AIRE: variants seen among roughly 807,000 people sequenced by gnomAD.
AIRE encodes the protein autoimmune polyendocrinopathy candidiasis ectodermal dystrophy protein.
AIRE carries 52 observed loss-of-function variants against 62.1 expected under a neutral mutation model. The ratio of observed to expected loss-of-function variants is 0.84; its 90% CI spans 0.67 to 1.06. The LOEUF is 1.06. Ranked by LOEUF, AIRE falls within the 50% of genes least tolerant of loss-of-function variation. The pLI, the probability that AIRE is intolerant of heterozygous loss-of-function variation, is 0.00. For synonymous variants in AIRE, 342 were observed against 321.6 expected (o/e 1.06, Z -0.68); for missense variants, 774 against 755.8 (o/e 1.02, Z -0.28).
intron 11 of AIRE, 63 bp from the exon 12 acceptor site, chr21:44,294,338 A>G (rs866619285): frequency 1.7e-5 from 14 of 808,974 alleles, no homozygotes; most frequent in Middle Eastern, 4.0e-4. Context: ...CCCACACCCC[A>G]TACCCCGGAG....
chr21:44,293,105 C>T lies in AIRE; in HGVS notation c.1208C>T (p.Ala403Val). 6.2e-7 allele frequency: 1 copy of T among 1,607,706 alleles called. No homozygotes were observed. The highest frequency in any genetic ancestry group is 8.5e-7 in the Non-Finnish European group (1 of 1,177,912). Residue 403 changes from alanine (A) to valine (V), a missense_variant, in exon 10 of 14, where the codon GCA (alanine) becomes GTA (valine). Transcript: ENST00000291582. ...VYKHLPAPPS[A>V]APLPGLDSSA... is the part of the protein sequence containing the mutation. ...AAGCACCTGCCGGCTCCGCCTTCTG[C>T]AGCCCCGCTGCCAGGGCTGGACTCC...
At position 44,298,015 on chromosome 21, in the gene AIRE, C is replaced by G; in HGVS notation, c.*288C>G. 1 of 428,354 alleles carries G rather than the reference C, an allele frequency of 2.3e-6. No individual in the cohort carries two copies. Among genetic ancestry groups the G allele is most frequent in the South Asian group, 2.1e-5 (1 of 46,744 alleles). The allele number at this position is 428,354 out of a possible 1,614,324, so 26.5% of individuals were successfully genotyped here. ...GGTGTGGTGGTGGGTGCCTGTAATC[C>G]CAGCTACATGGGAGCCTGAGGCATG... On this transcript the variant is annotated 3_prime_UTR_variant, in exon 14 of 14. Transcript: ENST00000291582.
In AIRE at chr21:44,298,127, C is replaced by G. The variant is rs949584587; in HGVS notation, c.*400C>G. On this transcript the variant is annotated 3_prime_UTR_variant, in exon 14 of 14. Transcript: ENST00000291582. ...AGTCTGGTCGGCAAGAGTGAGACTC[C>G]GTCTCAAAAACAAAACAAAACAAAA... The G allele has an allele frequency of 4.1e-6, 1 of 246,884 alleles. No homozygotes were observed. Among genetic ancestry groups the G allele is most frequent in the African/African-American group, 2.2e-5 (1 of 44,622 alleles). The allele number at this position is 246,884 out of a possible 1,614,324, so 15.3% of individuals were successfully genotyped here. A position where few individuals can be genotyped will look rare whatever the true frequency, so the allele number is the denominator to read the frequency against.
Position 44,293,905 on chromosome 21 carries a change from G to A in AIRE, c.1395G>A (p.Arg465=). The part of the protein sequence containing the change: ...WRCHFPAGTS[R]PGTGLRCRSC... Reference sequence around the variant, plus strand: ...GCCACTTCCCAGCCGGCACCTCCCGGCCCGGGTGAGTGAGCGTGGTCGGCG... The same window carrying A: ...GCCACTTCCCAGCCGGCACCTCCCGACCCGGGTGAGTGAGCGTGGTCGGCG... Residue 465 remains arginine (R), a synonymous_variant, in exon 11 of 14, where the codon CGG becomes CGA. Transcript: ENST00000291582. The A allele has an allele frequency of 2.5e-6, 4 of 1,596,556 alleles. No individual in the cohort carries two copies. In the South Asian group the frequency reaches 3.3e-5, roughly 13 times the overall value.
intron 11 of AIRE, 136 bp downstream of exon 11, chr21:44,294,046 C>T: frequency 2.5e-6 from 3 of 1,200,092 alleles, no homozygotes; most frequent in Non-Finnish European, 3.5e-6. Context: ...ACCTTGCACC[C>T]CACCCCACAC....
Position 44,289,644 on chromosome 21 carries a change from C to T in AIRE, c.653-13C>T. ...GGGCGGGTGAGCCAGGACCAGCCGG[C>T]ATCTCCTCCCAGGCGGCTCCAAGAA... On this transcript the variant is annotated splice_polypyrimidine_tract_variant and intron_variant, in intron 5 of 13. Coordinates refer to ENST00000291582, the MANE Select transcript of AIRE (RefSeq NM_000383.4). 1 of 1,612,710 alleles carries T rather than the reference C, an allele frequency of 6.2e-7. No homozygotes were observed.
intron 11 of AIRE, 89 bp from the exon 12 acceptor site, chr21:44,294,312 C>A: frequency 6.2e-6 from 4 of 647,366 alleles, no homozygotes; most frequent in Non-Finnish European, 1.0e-5. Flanking sequence ...CCCCCACTCA[C>A]CACCCACGCC....
In AIRE at chr21:44,294,503, G is replaced by A. The variant is rs959421526; in HGVS notation, c.1503G>A (p.Lys501=). 2.7e-6 allele frequency: 4 copies of A among 1,478,208 alleles called. No homozygotes were observed. The highest frequency in any genetic ancestry group is 3.6e-6 in the Non-Finnish European group (4 of 1,109,470). 91.6% of individuals were successfully genotyped at this position (1,478,208 alleles called of 1,614,324 possible). A position where few individuals can be genotyped will look rare whatever the true frequency, so the allele number is the denominator to read the frequency against. ...SPARLAPGPA[K]DDTASHEPAL... is the part of the protein sequence containing the mutation. Reference sequence around the variant, plus strand: ...CCCGCCTGGCCCCTGGGCCTGCCAAGGTCAGTGCCGCAGGGGCCCTCCATG... The same window carrying A: ...CCCGCCTGGCCCCTGGGCCTGCCAAAGTCAGTGCCGCAGGGGCCCTCCATG... The change falls in exon 12 of 14, where the codon AAG becomes AAA. Residue 501 remains lysine, a splice_region_variant and synonymous_variant. Coordinates refer to ENST00000291582, the MANE Select transcript of AIRE (RefSeq NM_000383.4).
At position 44,297,995 on chromosome 21, in the gene AIRE, G is replaced by A. The variant is rs565737422; in HGVS notation, c.*268G>A. ...AAAAATATAAAAATTAGCTGGGTGT[G>A]GTGGTGGGTGCCTGTAATCCCAGCT... On this transcript the variant is annotated 3_prime_UTR_variant, in exon 14 of 14. Coordinates refer to ENST00000291582, the MANE Select transcript of AIRE (RefSeq NM_000383.4). This position sits in a 1 kb window ranked among gnomAD's most constrained non-coding sequence, Gnocchi z 4.8. The A allele has an allele frequency of 5.6e-4, 254 of 454,208 alleles. 3 individuals carry two copies. Among genetic ancestry groups the A allele is most frequent in the South Asian group, 5.1e-3 (244 of 48,230 alleles). 28.1% of individuals were successfully genotyped at this position (454,208 alleles called of 1,614,324 possible).
chr21:44,287,437 C>G lies in AIRE; in HGVS notation c.464-80C>G. 2.9e-6 allele frequency: 3 copies of G among 1,030,594 alleles called. No individual in the cohort carries two copies. Among genetic ancestry groups the G allele is most frequent in the Non-Finnish European group, 4.4e-6 (3 of 676,766 alleles). 63.8% of individuals were successfully genotyped at this position (1,030,594 alleles called of 1,614,324 possible). A position where few individuals can be genotyped will look rare whatever the true frequency, so the allele number is the denominator to read the frequency against. ...AGCACTGGACCGCCCCCTCCACGCC[C>G]TCCCACCGCGGGCCCCTGCCCACCG... On this transcript the variant is annotated intron_variant, in intron 3 of 13. Transcript: ENST00000291582. This position sits in a 1 kb window ranked among gnomAD's most constrained non-coding sequence, Gnocchi z 4.3.
chr21:44,289,200 G>A, intron 5 of AIRE: 1 of 190,542 alleles, frequency 5.2e-6, no homozygotes, highest in East Asian at 1.3e-4. Flanking sequence ...GGAGGCTCCA[G>A]GGAAGAATCC....
chr21:44,292,780 C>CG (rs2040556186), intron 9 of AIRE, among the ~76,000 whole-genome samples: 2 of 152,038 alleles, frequency 1.3e-5, no homozygotes, highest in South Asian at 4.1e-4. Flanking sequence ...CGTGTGTAGA[C>CG]GGGGGAGGAG....
At position 44,286,019 on chromosome 21, in the gene AIRE, G is replaced by A. The variant is rs774168916; in HGVS notation, c.13G>A (p.Ala5Thr). 5.9e-6 allele frequency: 9 copies of A among 1,532,418 alleles called. No individual in the cohort carries two copies. Among genetic ancestry groups the A allele is most frequent in the African/African-American group, 1.4e-5 (1 of 72,632 alleles). 94.9% of individuals were successfully genotyped at this position (1,532,418 alleles called of 1,614,324 possible). MATD[A>T]ALRRLLRLHR... ...CCGCGCCCACCCCATGGCGACGGAC[G>A]CGGCGCTACGCCGGCTTCTGAGGCT... Residue 5 changes from alanine to threonine, a missense_variant, in exon 1 of 14, where the codon GCG becomes ACG. Physicochemically the swap from Ala to Thr is moderately conservative, Grantham distance 58. This residue lies in a region of AIRE where 385 missense variants were observed against 396.0 expected (regional missense o/e 0.97). Transcript: ENST00000291582. The surrounding 1 kb of genome is among the most constrained non-coding windows in gnomAD (Gnocchi z 6.0).
At chr21:44,291,691 C>T (rs1397895086) in intron 8 of AIRE, among the ~76,000 whole-genome samples, 6 of 152,010 alleles carry the variant, frequency 3.9e-5, no homozygotes, top group African/African-American at 1.2e-4. Context: ...CATCCCGGTG[C>T]TCCTTCCCCA....
At position 44,292,351 on chromosome 21, in the gene AIRE, CAGCCCCGGGCAGAGG is replaced by C. The variant is rs1481102287; in HGVS notation, c.1054_1068del (p.Ala352_Arg356del). On this transcript the variant is annotated inframe_deletion, in exon 9 of 14. Transcript: ENST00000291582. ...CCTGCAGGCAACAGTCCAGGAGGTG[CAGCCCCGGGCAGAGG>C]AGCCCCGGCCCCAGGAGCCACCCGT... 1 of 1,573,328 alleles carries C rather than the reference CAGCCCCGGGCAGAGG, an allele frequency of 6.4e-7. No homozygotes were observed. The highest frequency in any genetic ancestry group is 8.6e-7 in the Non-Finnish European group (1 of 1,159,570).
In AIRE at chr21:44,286,532, G is replaced by C; in HGVS notation, c.133-25G>C. The C allele has an allele frequency of 6.3e-7, 1 of 1,599,910 alleles. No homozygotes were observed. The highest frequency in any genetic ancestry group is 1.1e-5 in the South Asian group (1 of 90,316). On this transcript the variant is annotated intron_variant, in intron 1 of 13. Transcript: ENST00000291582. This position sits in a 1 kb window ranked among gnomAD's most constrained non-coding sequence, Gnocchi z 6.0. ...CGCAGGGTGTGGGGGACCATGGCAG[G>C]GACCCTCATGCCACCCCACTGCAGG...
In AIRE at chr21:44,285,981, C is replaced by T; in HGVS notation, c.-26C>T. On this transcript the variant is annotated 5_prime_UTR_variant, in exon 1 of 14. Coordinates refer to ENST00000291582, the MANE Select transcript of AIRE (RefSeq NM_000383.4). Reference sequence around the variant, plus strand: ...GTCCCGGGACCCACCGCGTCCGCCCCAGCCCCGGGTCCCCGCGCCCACCCC... The same window carrying T: ...GTCCCGGGACCCACCGCGTCCGCCCTAGCCCCGGGTCCCCGCGCCCACCCC... 1 of 1,524,216 alleles carries T rather than the reference C, an allele frequency of 6.6e-7. No individual in the cohort carries two copies. Among genetic ancestry groups the T allele is most frequent in the Non-Finnish European group, 8.8e-7 (1 of 1,140,806 alleles). 94.4% of individuals were successfully genotyped at this position (1,524,216 alleles called of 1,614,324 possible).
In AIRE at chr21:44,287,098, C is replaced by T. The variant is rs41276642; in HGVS notation, c.428C>T (p.Pro143Leu). ...KASEEARAAA[P>L]AALTPRGTAS... ...TCAGAAGAGGCTCGAGCTGCCGCGC[C>T]AGCAGCCCTGACTCCAAGGGGCACC... The change falls in exon 3 of 14, where the codon CCA (proline) becomes CTA (leucine). Residue 143 changes from proline to leucine, a missense_variant. Coordinates refer to ENST00000291582, the MANE Select transcript of AIRE (RefSeq NM_000383.4). This position sits in a 1 kb window ranked among gnomAD's most constrained non-coding sequence, Gnocchi z 4.3. The T allele has an allele frequency of 6.2e-7, 1 of 1,612,634 alleles. No homozygotes were observed. Among genetic ancestry groups the T allele is most frequent in the Non-Finnish European group, 8.5e-7 (1 of 1,179,932 alleles).
chr21:44,292,865 G>GCCCCCACCATGCCAGCCCTCCC, intron 9 of AIRE, 128 bp from the exon 10 acceptor site: 4 of 766,962 alleles, frequency 5.2e-6, no homozygotes, highest in South Asian at 1.5e-5. Context: ...CCAGCCCTCC[G>GCCCCCACCATGCCAGCCCTCCC]CCCCCACCAT....
Sources: gnomAD v4.1 joint callset for allele counts (sites outside exome capture counted in the v4.1 genomes callset) on GRCh38, gnomAD v4.1.1 for gene constraint, gnomAD v4.1.1 regional missense constraint, Gnocchi (gnomAD v3.1) non-coding constraint, MANE v1.5 for transcripts, NCBI Gene and HGNC (gene_info 2026-07-23, HGNC 2026-07-21) for gene names.